UNC13C: variants seen among roughly 807,000 people sequenced by gnomAD.
UNC13C encodes the protein unc-13 homolog C.
A neutral mutation model predicts 245.4 loss-of-function variants in UNC13C; 174 were observed. That is an observed-to-expected ratio of 0.71 (90% CI 0.63 to 0.80). The LOEUF is 0.80. Ranked by LOEUF, UNC13C falls within the 30% of genes least tolerant of loss-of-function variation. UNC13C has a pLI of 0.00. For synonymous variants in UNC13C, 992 were observed against 895.1 expected, an observed-to-expected ratio of 1.11 and a Z score of -1.93; for missense variants, 2,829 against 2,602.9, an observed-to-expected ratio of 1.09 and a Z score of -1.89.
At chr15:53,858,147 T>C in the UNC13C span, among the ~76,000 whole-genome samples, 14 of 152,354 alleles carry the variant, frequency 9.2e-5, no homozygotes, top group South Asian at 1.0e-3. Context: ...TGTACATCTA[T>C]AATTTTGGTG....
chr15:53,946,321 G>C, the UNC13C span, among the ~76,000 whole-genome samples: 1 of 152,040 alleles, frequency 6.6e-6, no homozygotes, highest in Non-Finnish European at 1.5e-5. Flanking sequence ...TGGTTTTCAA[G>C]GGGAATGCTT....
intron 1 of UNC13C, among the ~76,000 whole-genome samples, chr15:53,985,493 G>C (rs1284320886): frequency 6.6e-6 from 1 of 151,590 alleles, no homozygotes; most frequent in Non-Finnish European, 1.5e-5. Flanking sequence ...ATGTATACAT[G>C]AACTGTCTAC....
intron 2 of UNC13C, among the ~76,000 whole-genome samples, chr15:54,111,249 G>A (rs1323972924): frequency 6.6e-6 from 1 of 152,180 alleles, no homozygotes; most frequent in Non-Finnish European, 1.5e-5. Context: ...ATAATGCTGA[G>A]AATTCTTCTG....
chr15:54,160,709 T>C (rs1381565990), intron 4 of UNC13C, among the ~76,000 whole-genome samples: 2 of 152,176 alleles, frequency 1.3e-5, no homozygotes, highest in African/African-American at 4.8e-5. Flanking sequence ...AATTTTCAAC[T>C]CATTCAGTTG....
chr15:54,329,974 G>A (rs1370369686), intron 14 of UNC13C, among the ~76,000 whole-genome samples: 1 of 152,058 alleles, frequency 6.6e-6, no homozygotes, highest in South Asian at 2.1e-4. Context: ...GGAATTCAGA[G>A]CTGGTATAGC....
At chr15:54,174,555 C>A (rs2033539643) in intron 4 of UNC13C, among the ~76,000 whole-genome samples, 1 of 152,060 alleles carries the variant, frequency 6.6e-6, no homozygotes, top group South Asian at 2.1e-4. Context: ...AATGTAGCAT[C>A]AAGAAATTAA....
chr15:54,032,368 C>T (rs1896393345), intron 2 of UNC13C, among the ~76,000 whole-genome samples: 1 of 152,206 alleles, frequency 6.6e-6, no homozygotes, highest in African/African-American at 2.4e-5. Flanking sequence ...GATGCTTGGA[C>T]AGGCCTAACA....
At chr15:54,622,061 T>A (rs1165279494) in intron 30 of UNC13C, among the ~76,000 whole-genome samples, 1 of 152,150 alleles carries the variant, frequency 6.6e-6, no homozygotes, top group African/African-American at 2.4e-5. Context: ...CAACCCTAGT[T>A]CTTTAAACTA....
At chr15:54,173,024 G>A (rs1465925199) in intron 4 of UNC13C, among the ~76,000 whole-genome samples, 5 of 151,636 alleles carry the variant, frequency 3.3e-5, no homozygotes, top group Admixed American at 1.3e-4. Flanking sequence ...TGGCACTTCT[G>A]TTGAGAATGA....
chr15:54,580,734 G>A (rs1898161891), intron 30 of UNC13C, among the ~76,000 whole-genome samples: 1 of 152,134 alleles, frequency 6.6e-6, no homozygotes, highest in African/African-American at 2.4e-5. Context: ...TGTCTCAGAG[G>A]TGACTCTTTC....
intron 1 of UNC13C, among the ~76,000 whole-genome samples, chr15:53,999,650 T>G (rs1894795083): frequency 6.6e-6 from 1 of 152,048 alleles, no homozygotes. Flanking sequence ...AAGGTGAAAT[T>G]TAGATGATAG....
the UNC13C span, among the ~76,000 whole-genome samples, chr15:53,848,540 C>T: frequency 6.6e-6 from 1 of 152,080 alleles, no homozygotes; most frequent in East Asian, 1.9e-4. Context: ...TGTGGATAAG[C>T]ACATGGTGTC....
intron 2 of UNC13C, among the ~76,000 whole-genome samples, chr15:54,085,383 A>G (rs913274813): frequency 3.9e-5 from 6 of 152,168 alleles, no homozygotes; most frequent in African/African-American, 1.4e-4. Flanking sequence ...AAGGATCCCA[A>G]GTAATCCCTA....
At chr15:54,124,558 AT>A (rs2030904201) in intron 2 of UNC13C, among the ~76,000 whole-genome samples, 2 of 151,980 alleles carry the variant, frequency 1.3e-5, no homozygotes, top group South Asian at 2.1e-4. Context: ...GTGATTTACA[AT>A]TTTTTTCTTC....
At chr15:53,838,206 G>A in the UNC13C span, among the ~76,000 whole-genome samples, 297 of 151,956 alleles carry the variant, frequency 2.0e-3, 2 homozygotes, top group African/African-American at 6.9e-3. Flanking sequence ...CTATAAATAC[G>A]ATGTGTTTAT....
At chr15:53,924,178 A>C in the UNC13C span, among the ~76,000 whole-genome samples, 2 of 152,146 alleles carry the variant, frequency 1.3e-5, no homozygotes, top group African/African-American at 4.8e-5. Context: ...TTGCACTCCA[A>C]CCTGGGCAAC....
chr15:54,502,490 T>C (rs955073971), intron 22 of UNC13C, among the ~76,000 whole-genome samples: 3 of 152,186 alleles, frequency 2.0e-5, no homozygotes, highest in African/African-American at 2.4e-5. Context: ...TTCTTAGAGA[T>C]GACTTTCTGA....
At chr15:54,470,371 C>T (rs951842199) in intron 19 of UNC13C, among the ~76,000 whole-genome samples, 8 of 151,372 alleles carry the variant, frequency 5.3e-5, no homozygotes, top group East Asian at 1.9e-4. Context: ...TGCTTCTGGT[C>T]CTGGACTTTT....
At chr15:53,918,603 T>C in the UNC13C span, among the ~76,000 whole-genome samples, 1 of 152,318 alleles carries the variant, frequency 6.6e-6, no homozygotes, top group Non-Finnish European at 1.5e-5. Flanking sequence ...ACAGGGACTG[T>C]CCCCGTTCTT....
Sources: allele counts gnomAD v4.1 joint callset (sites outside exome capture counted in the v4.1 genomes callset), GRCh38; gene constraint gnomAD v4.1.1; transcripts MANE v1.5; gene names NCBI Gene and HGNC (gene_info 2026-07-23, HGNC 2026-07-21).